Variants in CDH13 observed in about 807,000 individuals in gnomAD.
CDH13 encodes cadherin 13, also known as cadherin-13.
In CDH13, 24 loss-of-function variants were observed where a neutral mutation model predicts 63.8. The ratio of observed to expected loss-of-function variants is 0.38; its 90% confidence interval spans 0.27 to 0.53. The LOEUF (loss-of-function observed/expected upper bound fraction) is 0.53. Ranked by LOEUF, CDH13 falls within the 20% of genes least tolerant of loss-of-function variation. The pLI is 0.85. For synonymous variants in CDH13, 503 were observed against 355.3 expected, an observed-to-expected ratio of 1.42 and a Z score of -4.67; for missense variants, 1,049 against 903.1, an observed-to-expected ratio of 1.16 and a Z score of -2.07.
At chr16:83,755,635 T>A (rs999070696) in intron 11 of CDH13, among the ~76,000 whole-genome samples, 4 of 152,140 alleles carry the variant, frequency 2.6e-5, no homozygotes, top group Non-Finnish European at 5.9e-5. Context: ...TAATGGAATG[T>A]GGAAGGCAAT....
intron 5 of CDH13, among the ~76,000 whole-genome samples, chr16:83,230,963 A>C (rs1314984262): frequency 6.6e-6 from 1 of 151,164 alleles, no homozygotes; most frequent in Non-Finnish European, 1.5e-5. Context: ...ACATCCTCGA[A>C]ATACCATTTC....
chr16:83,345,552 G>A (rs1159138620), intron 6 of CDH13, among the ~76,000 whole-genome samples: 2 of 152,192 alleles, frequency 1.3e-5, no homozygotes, highest in Admixed American at 6.5e-5. Flanking sequence ...TGTGCCTACT[G>A]TTATAGAAGT....
intron 6 of CDH13, among the ~76,000 whole-genome samples, chr16:83,389,928 A>G (rs1183980501): frequency 1.3e-5 from 2 of 152,220 alleles, no homozygotes; most frequent in Non-Finnish European, 2.9e-5. Context: ...GAGTCTCTCC[A>G]ACGCTTTAAC....
chr16:83,584,206 C>T (rs1488361510), intron 7 of CDH13, among the ~76,000 whole-genome samples: 1 of 152,100 alleles, frequency 6.6e-6, no homozygotes, highest in African/African-American at 2.4e-5. Flanking sequence ...TGACAGGTGC[C>T]TGTAGTCCCA....
intron 2 of CDH13, among the ~76,000 whole-genome samples, chr16:82,897,390 A>C (rs1252772774): frequency 6.6e-6 from 1 of 152,222 alleles, no homozygotes; most frequent in Non-Finnish European, 1.5e-5. Flanking sequence ...TAATGAATAA[A>C]TGAATGAATG....
At chr16:83,237,885 C>G (rs1365189990) in intron 5 of CDH13, among the ~76,000 whole-genome samples, 1 of 152,136 alleles carries the variant, frequency 6.6e-6, no homozygotes, top group Non-Finnish European at 1.5e-5. Flanking sequence ...GTATTGATAA[C>G]TTATATATGT....
intron 1 of CDH13, among the ~76,000 whole-genome samples, chr16:82,635,669 G>A (rs972605491): frequency 3.9e-5 from 6 of 152,198 alleles, no homozygotes; most frequent in Admixed American, 2.6e-4. Flanking sequence ...ATGGGAAGCT[G>A]GATTCAGGAA....
intron 6 of CDH13, among the ~76,000 whole-genome samples, chr16:83,418,350 T>C (rs1262243197): frequency 6.6e-6 from 1 of 152,160 alleles, no homozygotes; most frequent in Non-Finnish European, 1.5e-5. Context: ...AATACAAGCA[T>C]CCTAGAAAAT....
chr16:83,717,673 C>T (rs746048438), intron 10 of CDH13: 4 of 152,410 alleles, frequency 2.6e-5, no homozygotes, highest in Admixed American at 6.5e-5. Context: ...TAAGTGGCGA[C>T]GATAATTCCT....
chr16:83,542,376 C>G (rs913227694), intron 7 of CDH13, among the ~76,000 whole-genome samples: 1 of 152,168 alleles, frequency 6.6e-6, no homozygotes, highest in African/African-American at 2.4e-5. Flanking sequence ...GCGGCAGAAT[C>G]CCCTGGGTGT....
chr16:83,699,815 C>T (rs973353733), intron 10 of CDH13, among the ~76,000 whole-genome samples: 6 of 152,170 alleles, frequency 3.9e-5, no homozygotes, highest in South Asian at 2.1e-4. Flanking sequence ...GCATCCCATC[C>T]GTCTGTATTT....
At chr16:82,757,337 T>C (rs934444346) in intron 1 of CDH13, among the ~76,000 whole-genome samples, 2 of 152,184 alleles carry the variant, frequency 1.3e-5, no homozygotes, top group African/African-American at 4.8e-5. Context: ...ATATTTGAAC[T>C]TCTTACCCAA....
At chr16:82,686,678 A>G (rs1915104090) in intron 1 of CDH13, among the ~76,000 whole-genome samples, 1 of 152,250 alleles carries the variant, frequency 6.6e-6, no homozygotes, top group South Asian at 2.1e-4. Flanking sequence ...ACGTGCATGA[A>G]AGATTTTAGT....
intron 10 of CDH13, among the ~76,000 whole-genome samples, chr16:83,738,045 T>C (rs778479920): frequency 2.6e-5 from 4 of 152,216 alleles, no homozygotes; most frequent in African/African-American, 4.8e-5. Context: ...GCGCTTCCAG[T>C]TGTAGACACA....
chr16:83,415,687 C>A (rs2092190241), intron 6 of CDH13, among the ~76,000 whole-genome samples: 1 of 152,072 alleles, frequency 6.6e-6, no homozygotes, highest in African/African-American at 2.4e-5. Flanking sequence ...AGAAAAAGTA[C>A]TTGACAAAAT....
intron 7 of CDH13, among the ~76,000 whole-genome samples, chr16:83,566,881 G>GA (rs1904285570): frequency 6.6e-6 from 1 of 151,790 alleles, no homozygotes; most frequent in Non-Finnish European, 1.5e-5. Flanking sequence ...CAACCAAGAG[G>GA]AAAAAAAAGA....
intron 6 of CDH13, chr16:83,396,488 C>T (rs2151436634): frequency 6.6e-6 from 1 of 152,276 alleles, no homozygotes; most frequent in Non-Finnish European, 1.5e-5. Context: ...TGACCTCCTT[C>T]CTTTAAAACC....
chr16:83,594,047 T>C (rs1018269144), intron 7 of CDH13, among the ~76,000 whole-genome samples: 8 of 152,218 alleles, frequency 5.3e-5, no homozygotes, highest in Admixed American at 5.2e-4. Flanking sequence ...CTCACAGAGC[T>C]ACAAGCAATG....
intron 1 of CDH13, among the ~76,000 whole-genome samples, chr16:82,808,084 T>G (rs1214500097): frequency 6.6e-6 from 1 of 152,156 alleles, no homozygotes; most frequent in Non-Finnish European, 1.5e-5. Flanking sequence ...AGGGTCTTAC[T>G]TGGGTCTCCA....
Sources: gnomAD v4.1 joint callset for allele counts (sites outside exome capture counted in the v4.1 genomes callset) on GRCh38, gnomAD v4.1.1 for gene constraint, MANE v1.5 for transcripts, NCBI Gene and HGNC (gene_info 2026-07-23, HGNC 2026-07-21) for gene names.